The following AGAP3 variants were observed in gnomAD, a reference collection of about 807,000 sequenced individuals.
AGAP3 encodes ArfGAP with GTPase domain, ankyrin repeat and PH domain 3, also known as arf-GAP with GTPase, ANK repeat and PH domain-containing protein 3.
Under a neutral mutation model 96.9 loss-of-function variants are expected in AGAP3, and 24 were observed. That is an observed-to-expected ratio of 0.25 (90% CI 0.18 to 0.35). The LOEUF (loss-of-function observed/expected upper bound fraction) is 0.35, where lower values mean the gene tolerates loss of function less well. Ranked by LOEUF, AGAP3 falls within the 10% of genes least tolerant of loss-of-function variation. AGAP3 has a pLI of 1.00. For synonymous variants in AGAP3, 563 were observed against 536.1 expected, an observed-to-expected ratio of 1.05 and a Z score of -0.69; for missense variants, 876 against 1,254.2, an observed-to-expected ratio of 0.70 and a Z score of 4.55.
intron 7 of AGAP3, among the ~76,000 whole-genome samples, chr7:151,119,470 C>A (rs1013019093): frequency 1.3e-5 from 2 of 152,250 alleles, no homozygotes; most frequent in Non-Finnish European, 2.9e-5. Flanking sequence ...GCTCTGTTCT[C>A]TCTGCCCCAG....
rs1241520314 is a variant in AGAP3, at chr7:151,114,610, G to A, written c.332-2183G>A. On this transcript the variant is annotated intron_variant, in intron 1 of 17. Coordinates refer to ENST00000397238, the MANE Select transcript of AGAP3 (RefSeq NM_031946.7). The surrounding 1 kb of genome is among the most constrained non-coding windows in gnomAD (Gnocchi z 4.4). ...CTGGGCTGACTCCCGGCCTCTCCAGGTCTGGGCTTGCCGGCCGCGAGGTGG... is the reference window on the plus strand; with the variant it reads ...CTGGGCTGACTCCCGGCCTCTCCAGATCTGGGCTTGCCGGCCGCGAGGTGG... 1 of 669,160 alleles carries A rather than the reference G, an allele frequency of 1.5e-6. No individual in the cohort carries two copies. The highest frequency in any genetic ancestry group is 1.9e-6 in the Non-Finnish European group (1 of 539,296). The allele number at this position is 669,160 out of a possible 1,614,324, so 41.5% of individuals were successfully genotyped here.
chr7:151,117,852 A>G, intron 5 of AGAP3, 75 bp downstream of exon 5: 1 of 1,507,692 alleles, frequency 6.6e-7, no homozygotes, highest in East Asian at 2.3e-5. Flanking sequence ...AGGGGTGGGC[A>G]GGTGTGAGAA....
intron 1 of AGAP3, among the ~76,000 whole-genome samples, chr7:151,098,504 T>C (rs940736984): frequency 3.3e-5 from 5 of 151,904 alleles, no homozygotes; most frequent in Non-Finnish European, 7.4e-5. Context: ...AATTAAAAAA[T>C]TAGCCAGGTG....
intron 8 of AGAP3, chr7:151,123,050 G>T: frequency 7.7e-6 from 10 of 1,294,814 alleles, no homozygotes; most frequent in Non-Finnish European, 8.8e-6. Context: ...CCCACGCCCG[G>T]CGCTGGCCAG....
chr7:151,141,680 T>C lies in AGAP3; in HGVS notation c.1805-218T>C. ...TCTGTTTTCACTTAAGCTCCACAGG[T>C]GGTTAGGAATGAGAACTGGGAGCTC... is the stretch of plus-strand genomic sequence containing the variant. On this transcript the variant is annotated intron_variant, in intron 13 of 17. Transcript: ENST00000397238. This position sits in a 1 kb window ranked among gnomAD's most constrained non-coding sequence, Gnocchi z 4.2. 1 of 576,142 alleles carries C rather than the reference T, an allele frequency of 1.7e-6. No homozygotes were observed. Among genetic ancestry groups the C allele is most frequent in the Non-Finnish European group, 3.1e-6 (1 of 322,640 alleles). 35.7% of individuals were successfully genotyped at this position (576,142 alleles called of 1,614,324 possible). A position where few individuals can be genotyped will look rare whatever the true frequency, so the allele number is the denominator to read the frequency against.
intron 10 of AGAP3, among the ~76,000 whole-genome samples, chr7:151,131,515 C>G (rs1800401771): frequency 6.6e-6 from 1 of 152,222 alleles, no homozygotes; most frequent in Non-Finnish European, 1.5e-5. Flanking sequence ...GCTCCCCGTT[C>G]TGCTGACGGA....
chr7:151,112,155 T>C (rs372854365), intron 1 of AGAP3: 9 of 152,268 alleles, frequency 5.9e-5, no homozygotes, highest in African/African-American at 1.7e-4. Context: ...CCTGAGACAT[T>C]TATGTGGGAG....
chr7:151,086,497 C>G lies in AGAP3; in HGVS notation c.-245C>G, dbSNP rs1421768907. Among the ~76,000 whole-genome samples the G allele has an allele frequency of 6.8e-6, 1 of 147,812 alleles. No individual in the cohort carries two copies. The highest frequency in any genetic ancestry group is 1.9e-4 in the East Asian group (1 of 5,140). Reference sequence around the variant, plus strand: ...GTTGTTGTTGCCGCTGGAGGCTGCTCCGAGGCAGCGGGATCACGGCGCTGG... The same window carrying G: ...GTTGTTGTTGCCGCTGGAGGCTGCTGCGAGGCAGCGGGATCACGGCGCTGG... On this transcript the variant is annotated 5_prime_UTR_variant, in exon 1 of 18. Transcript: ENST00000397238.
At position 151,114,897 on chromosome 7, in the gene AGAP3, C is replaced by A; in HGVS notation, c.332-1896C>A. 1.0e-6 allele frequency: 1 copy of A among 998,976 alleles called. No individual in the cohort carries two copies. Among genetic ancestry groups the A allele is most frequent in the Non-Finnish European group, 1.2e-6 (1 of 841,636 alleles). The allele number at this position is 998,976 out of a possible 1,614,324, so 61.9% of individuals were successfully genotyped here. On this transcript the variant is annotated intron_variant, in intron 1 of 17. Transcript: ENST00000397238. This position sits in a 1 kb window ranked among gnomAD's most constrained non-coding sequence, Gnocchi z 4.4. ...CTCGGCCGGCCGCGCTGCCGCCGCC[C>A]TGCAGGCCGCCCTCTGCGCCGCCAG...
intron 11 of AGAP3, among the ~76,000 whole-genome samples, chr7:151,135,890 G>T (rs1285753821): frequency 6.6e-6 from 1 of 152,220 alleles, no homozygotes; most frequent in East Asian, 1.9e-4. Flanking sequence ...ACCTAACTGT[G>T]TCTGACTTGA....
At chr7:151,123,042 C>G (rs1799986176) in intron 8 of AGAP3, 1 of 1,330,966 alleles carries the variant, frequency 7.5e-7, no homozygotes, top group Admixed American at 3.7e-5. Context: ...AGCTCGGCCC[C>G]ACGCCCGGCG....
intron 1 of AGAP3, among the ~76,000 whole-genome samples, chr7:151,099,674 C>T (rs115606790): frequency 0.026 from 3,955 of 152,264 alleles, 140 homozygotes; most frequent in African/African-American, 0.087. Context: ...GGGACCGGGC[C>T]GCTGGCCGCT....
chr7:151,117,261 C>G (rs1585074081), intron 3 of AGAP3, 79 bp downstream of exon 3: 8 of 1,572,520 alleles, frequency 5.1e-6, no homozygotes, highest in Non-Finnish European at 7.0e-6. Context: ...GGTGGGGGGT[C>G]TCCAGCCCCC....
At chr7:151,116,499 A>AT in intron 1 of AGAP3, 2 of 468,288 alleles carry the variant, frequency 4.3e-6, no homozygotes, top group South Asian at 3.1e-5. Context: ...TGGTGGGGGG[A>AT]CAATAAACCT....
At chr7:151,137,477 T>G (rs1313965524) in intron 11 of AGAP3, among the ~76,000 whole-genome samples, 1 of 152,204 alleles carries the variant, frequency 6.6e-6, no homozygotes, top group African/African-American at 2.4e-5. Flanking sequence ...GCCCCACGGC[T>G]GTTCCCAGAA....
At chr7:151,137,102 C>T (rs1800623226) in intron 11 of AGAP3, among the ~76,000 whole-genome samples, 1 of 152,254 alleles carries the variant, frequency 6.6e-6, no homozygotes, top group Non-Finnish European at 1.5e-5. Context: ...AGAGCTGTGG[C>T]CCCTTGGGCC....
At position 151,139,523 on chromosome 7, in the gene AGAP3, G is replaced by C. The variant is rs372157892; in HGVS notation, c.1667-456G>C. On this transcript the variant is annotated intron_variant, in intron 12 of 17. Coordinates refer to ENST00000397238, the MANE Select transcript of AGAP3 (RefSeq NM_031946.7). This position sits in a 1 kb window ranked among gnomAD's most constrained non-coding sequence, Gnocchi z 4.9. ...AGTTTGACATTTAGTGGTGAGCGCC[G>C]GGCGGGGTGTGGGAGACGGAGCTTG... 6.5e-6 allele frequency: 1 copy of C among 153,026 alleles called. No homozygotes were observed. Among genetic ancestry groups the C allele is most frequent in the Non-Finnish European group, 1.5e-5 (1 of 68,602 alleles). 9.5% of individuals were successfully genotyped at this position (153,026 alleles called of 1,614,324 possible). A position where few individuals can be genotyped will look rare whatever the true frequency, so the allele number is the denominator to read the frequency against.
intron 9 of AGAP3, chr7:151,128,264 A>C: frequency 2.9e-6 from 1 of 343,696 alleles, no homozygotes; most frequent in Non-Finnish European, 5.6e-6. Flanking sequence ...CCGATCATCT[A>C]CACCCGACGG....
At position 151,142,498 on chromosome 7, in the gene AGAP3, C is replaced by T. The variant is rs1303685106; in HGVS notation, c.2137C>T (p.Arg713Trp). 3 of 1,613,800 alleles carry T rather than the reference C, an allele frequency of 1.9e-6. No individual in the cohort carries two copies. The highest frequency in any genetic ancestry group is 1.7e-5 in the Admixed American group (1 of 60,010). The change falls in exon 16 of 18, where the codon CGG becomes TGG. Residue 713 changes from arginine (R) to tryptophan (W), a missense_variant. Arg to Trp is a moderately radical substitution (Grantham distance 101). Coordinates refer to ENST00000397238, the MANE Select transcript of AGAP3 (RefSeq NM_031946.7). The surrounding 1 kb of genome is among the most constrained non-coding windows in gnomAD (Gnocchi z 7.5). ...IHRHLGAHLSRVRSLDLDDWP... is the reference protein window; with the variant it reads ...IHRHLGAHLSWVRSLDLDDWP... Reference sequence around the variant, plus strand: ...CCGACACCTGGGGGCTCACCTGTCCCGGGTGCGCTCCCTTGACCTCGATGA... The same window carrying T: ...CCGACACCTGGGGGCTCACCTGTCCTGGGTGCGCTCCCTTGACCTCGATGA...
Sources: allele counts gnomAD v4.1 joint callset (sites outside exome capture counted in the v4.1 genomes callset), GRCh38; gene constraint gnomAD v4.1.1; non-coding constraint Gnocchi (gnomAD v3.1); transcripts MANE v1.5; gene names NCBI Gene and HGNC (gene_info 2026-07-23, HGNC 2026-07-21).